Variants in ATP6V0D2 observed in about 807,000 individuals in gnomAD.
ATP6V0D2 encodes the protein ATPase H+ transporting V0 subunit d2, also known as V-type proton ATPase subunit d 2.
A neutral mutation model predicts 40.0 loss-of-function variants in ATP6V0D2; 40 were observed. That is an observed-to-expected ratio of 1.00 (90% CI 0.78 to 1.30). The LOEUF (loss-of-function observed/expected upper bound fraction) is 1.30, where lower values mean the gene tolerates loss of function less well. Ranked by LOEUF, ATP6V0D2 falls within the 50% of genes most tolerant of loss-of-function variation. ATP6V0D2 has a pLI of 0.00. For missense variants in ATP6V0D2, 470 were observed against 423.1 expected, an observed-to-expected ratio of 1.11 and a Z score of -0.97; for synonymous variants, 179 against 156.3, an observed-to-expected ratio of 1.15 and a Z score of -1.08.
chr8:86,143,152 A>C (rs1022854312), intron 5 of ATP6V0D2, among the ~76,000 whole-genome samples, 198 bp downstream of exon 5: 1 of 152,160 alleles, frequency 6.6e-6, no homozygotes, highest in Non-Finnish European at 1.5e-5. Context: ...GGAATATGGA[A>C]GTTTTCTACA....
intron 2 of ATP6V0D2, among the ~76,000 whole-genome samples, chr8:86,127,728 C>T (rs925666537): frequency 6.6e-6 from 1 of 152,188 alleles, no homozygotes; most frequent in Non-Finnish European, 1.5e-5. Flanking sequence ...CCAGCCTGAA[C>T]ATGCATTATA....
intron 2 of ATP6V0D2, among the ~76,000 whole-genome samples, chr8:86,131,691 G>A (rs1450486208): frequency 2.6e-5 from 4 of 151,456 alleles, no homozygotes; most frequent in Admixed American, 1.3e-4. Flanking sequence ...AGTACAGATG[G>A]GGTTTTACCA....
At chr8:86,131,550 G>A (rs1160967263) in intron 2 of ATP6V0D2, among the ~76,000 whole-genome samples, 3 of 151,652 alleles carry the variant, frequency 2.0e-5, no homozygotes, top group African/African-American at 7.3e-5. Context: ...GCCCAGGCTG[G>A]AGTGCAGTGA....
intron 2 of ATP6V0D2, among the ~76,000 whole-genome samples, chr8:86,137,277 A>G (rs1872136): frequency 0.85 from 129,520 of 152,048 alleles, 55,289 homozygotes; most frequent in Middle Eastern, 0.91. Context: ...GTCTCAACTT[A>G]CATGTGGACT....
At chr8:86,101,199 C>T (rs190694317) in intron 1 of ATP6V0D2, among the ~76,000 whole-genome samples, 1 of 150,984 alleles carries the variant, frequency 6.6e-6, no homozygotes, top group East Asian at 2.0e-4. Context: ...TGGCTCATGC[C>T]TGTAATCCTA....
rs750586607 is a variant in ATP6V0D2, at chr8:86,152,900, A to G, written c.976A>G (p.Arg326Gly). 6.2e-7 allele frequency: 1 copy of G among 1,612,794 alleles called. No individual in the cohort carries two copies. Among genetic ancestry groups the G allele is most frequent in the South Asian group, 1.1e-5 (1 of 90,818 alleles). The change falls in exon 8 of 8, where the codon AGA becomes GGA. Residue 326 changes from arginine to glycine, a missense_variant. Physicochemically the swap from Arg to Gly is moderately radical, Grantham distance 125. Coordinates refer to ENST00000285393, the MANE Select transcript of ATP6V0D2 (RefSeq NM_152565.1). Reference protein sequence around the residue: ...AYVKLKEQEIRNIVWIAECIS... With the variant: ...AYVKLKEQEIGNIVWIAECIS... ...TGTAAAGCTGAAGGAACAGGAAATT[A>G]GAAATATTGTGTGGATAGCAGAATG...
intron 5 of ATP6V0D2, among the ~76,000 whole-genome samples, chr8:86,145,374 G>GAAGGAAGGAAGGAAAGA (rs1554589942): frequency 2.5e-5 from 2 of 79,246 alleles, no homozygotes; most frequent in African/African-American, 9.8e-5. Context: ...AGGAAGGAAG[G>GAAGGAAGGAAGGAAAGA]AAAGAAAAGA....
chr8:86,127,986 G>A (rs967270872), intron 2 of ATP6V0D2, among the ~76,000 whole-genome samples: 1 of 152,150 alleles, frequency 6.6e-6, no homozygotes, highest in Non-Finnish European at 1.5e-5. Context: ...GAAGGCCATG[G>A]TGGAAAGATC....
chr8:86,103,678 A>G lies in ATP6V0D2; in HGVS notation c.130+4570A>G, dbSNP rs117551225. ...CCTACCTGGAGAATAAAAATATTAG[A>G]AAAATGAGAACCCCTTAAGGATGGC... On this transcript the variant is annotated intron_variant, in intron 1 of 7. Transcript: ENST00000285393. 3.4e-4 allele frequency among the ~76,000 whole-genome samples: 52 copies of G among 152,290 alleles called. No individual in the cohort carries two copies. The East Asian group carries it at 9.3e-3, about 27-fold the overall frequency.
chr8:86,139,802 G>A (rs1818949837), intron 3 of ATP6V0D2, among the ~76,000 whole-genome samples, 167 bp downstream of exon 3: 1 of 152,152 alleles, frequency 6.6e-6, no homozygotes, highest in South Asian at 2.1e-4. Context: ...AAGTGGCAGA[G>A]ACATTAAGGA....
intron 5 of ATP6V0D2, among the ~76,000 whole-genome samples, chr8:86,143,494 A>G (rs1232015196): frequency 6.6e-6 from 1 of 152,178 alleles, no homozygotes; most frequent in African/African-American, 2.4e-5. Context: ...GGGGTGGATT[A>G]TTCATGTCTC....
intron 1 of ATP6V0D2, among the ~76,000 whole-genome samples, chr8:86,112,532 A>T (rs758485892): frequency 6.6e-6 from 1 of 152,194 alleles, no homozygotes; most frequent in Non-Finnish European, 1.5e-5. Context: ...TGAGTATTAA[A>T]TGAGATAATA....
intron 1 of ATP6V0D2, 31 bp downstream of exon 1, chr8:86,099,139 GA>G (rs11382900): frequency 0.018 from 22,547 of 1,266,654 alleles, no homozygotes; most frequent in South Asian, 0.032. Context: ...CCTTTAAAAA[GA>G]AAAAAAAAAA....
intron 3 of ATP6V0D2, among the ~76,000 whole-genome samples, chr8:86,140,119 C>G (rs900468916): frequency 1.3e-5 from 2 of 152,052 alleles, no homozygotes; most frequent in Non-Finnish European, 2.9e-5. Context: ...TTCTGAGATG[C>G]TCAAGAGTAT....
chr8:86,109,006 A>G (rs951417322), intron 1 of ATP6V0D2, among the ~76,000 whole-genome samples: 2 of 152,182 alleles, frequency 1.3e-5, no homozygotes, highest in South Asian at 2.1e-4. Context: ...TAGTGATCCT[A>G]CAGTTTGGAA....
intron 2 of ATP6V0D2, among the ~76,000 whole-genome samples, chr8:86,117,215 T>A (rs1818601725): frequency 6.6e-6 from 1 of 152,232 alleles, no homozygotes; most frequent in African/African-American, 2.4e-5. Context: ...TCATCAATGT[T>A]TTCATTCATT....
At position 86,111,532 on chromosome 8, in the gene ATP6V0D2, T is replaced by G. The variant is rs1818527786; in HGVS notation, c.131-2177T>G. 3.9e-5 allele frequency among the ~76,000 whole-genome samples: 6 copies of G among 152,334 alleles called. 1 individual carries two copies. The Middle Eastern group carries it at 0.02, about 518-fold the overall frequency. ...TCTATGTCTTAGCTATTGTGAGCAA[T>G]GTTATAATGAATGTAGGAGTACAGA... On this transcript the variant is annotated intron_variant, in intron 1 of 7. Coordinates refer to ENST00000285393, the MANE Select transcript of ATP6V0D2 (RefSeq NM_152565.1).
At chr8:86,138,393 CT>C (rs1199405192) in intron 2 of ATP6V0D2, among the ~76,000 whole-genome samples, 1 of 152,088 alleles carries the variant, frequency 6.6e-6, no homozygotes, top group Non-Finnish European at 1.5e-5. Context: ...GTAAATGATT[CT>C]TTGTCCATTT....
intron 4 of ATP6V0D2, 90 bp downstream of exon 4, chr8:86,141,619 C>A: frequency 2.4e-6 from 2 of 848,928 alleles, no homozygotes; most frequent in Non-Finnish European, 3.5e-6. Flanking sequence ...ACTCATTAAC[C>A]AACTTCTGCA....
Sources: allele counts gnomAD v4.1 joint callset (sites outside exome capture counted in the v4.1 genomes callset), GRCh38; gene constraint gnomAD v4.1.1; transcripts MANE v1.5; gene names NCBI Gene and HGNC (gene_info 2026-07-23, HGNC 2026-07-21).